The following PTBP3 variants were observed in gnomAD, a reference collection of about 807,000 sequenced individuals.
PTBP3 encodes the protein polypyrimidine tract-binding protein 3.
In PTBP3, 20 loss-of-function variants were observed where a neutral mutation model predicts 58.7. The observed-to-expected ratio is 0.34, with a 90% CI of 0.24 to 0.50. PTBP3 has a LOEUF of 0.50. Ranked by LOEUF, PTBP3 falls within the 20% of genes least tolerant of loss-of-function variation. PTBP3 has a pLI of 0.98. For synonymous variants in PTBP3, 185 were observed against 219.8 expected (o/e 0.84, Z 1.40); for missense variants, 509 against 637.2 (o/e 0.80, Z 2.17).
At chr9:112,372,507 C>T in the PTBP3 span, among the ~76,000 whole-genome samples, 1 of 152,126 alleles carries the variant, frequency 6.6e-6, no homozygotes, top group Non-Finnish European at 1.5e-5. Context: ...TATCTAGTCC[C>T]ATAACATTTT....
At chr9:112,352,310 T>TA in the PTBP3 span, among the ~76,000 whole-genome samples, 1 of 151,798 alleles carries the variant, frequency 6.6e-6, no homozygotes. Flanking sequence ...TACAGTTTTT[T>TA]AAATTTTTTT....
intron 1 of PTBP3, among the ~76,000 whole-genome samples, chr9:112,331,851 C>G (rs74569258): frequency 0.011 from 1,656 of 152,296 alleles, 31 homozygotes; most frequent in African/African-American, 0.038. Context: ...TACAGTTTAA[C>G]AGCAAAGACG....
intron 7 of PTBP3, among the ~76,000 whole-genome samples, chr9:112,245,451 A>G (rs1835839367): frequency 6.6e-6 from 1 of 152,190 alleles, no homozygotes; most frequent in South Asian, 2.1e-4. Flanking sequence ...AGTTACCAAT[A>G]TGTAAAGGGT....
At chr9:112,360,734 G>A in the PTBP3 span, among the ~76,000 whole-genome samples, 4 of 151,988 alleles carry the variant, frequency 2.6e-5, no homozygotes, top group East Asian at 3.9e-4. Flanking sequence ...AGTAGGTTAC[G>A]ATCCATTAAT....
intron 7 of PTBP3, among the ~76,000 whole-genome samples, chr9:112,237,984 C>T (rs939780294): frequency 3.3e-5 from 5 of 152,090 alleles, no homozygotes; most frequent in African/African-American, 9.7e-5. Context: ...TGATCCTGAA[C>T]GTAGAGCCTT....
intron 1 of PTBP3, chr9:112,330,461 G>T: frequency 1.3e-6 from 2 of 1,528,196 alleles, no homozygotes; most frequent in Non-Finnish European, 1.8e-6. Context: ...ACTGTTATAA[G>T]ATCTGTAACA....
At chr9:112,378,626 C>G in the PTBP3 span, among the ~76,000 whole-genome samples, 1 of 152,194 alleles carries the variant, frequency 6.6e-6, no homozygotes, top group African/African-American at 2.4e-5. Context: ...TTTCATCTAA[C>G]AGTCTCTATC....
chr9:112,366,363 G>T, the PTBP3 span, among the ~76,000 whole-genome samples: 2 of 152,126 alleles, frequency 1.3e-5, no homozygotes, highest in Non-Finnish European at 2.9e-5. Flanking sequence ...GGGCATGTCA[G>T]AGGTCTTCAT....
At chr9:112,296,572 G>T (rs763974718) in intron 2 of PTBP3, among the ~76,000 whole-genome samples, 1 of 152,028 alleles carries the variant, frequency 6.6e-6, no homozygotes, top group Non-Finnish European at 1.5e-5. Flanking sequence ...TCTGGATAAA[G>T]AAACCCTCCC....
intron 1 of PTBP3, among the ~76,000 whole-genome samples, chr9:112,299,029 T>C (rs1301744886): frequency 6.6e-6 from 1 of 152,198 alleles, no homozygotes; most frequent in Non-Finnish European, 1.5e-5. Flanking sequence ...AAATCTGAGA[T>C]GTAGATATTA....
intron 8 of PTBP3, 79 bp from the exon 9 acceptor site, chr9:112,232,317 G>A (rs1489408519): frequency 7.4e-7 from 1 of 1,342,954 alleles, no homozygotes; most frequent in African/African-American, 1.5e-5. Flanking sequence ...AGTAAATAAA[G>A]AGGAAAGGAA....
chr9:112,333,046 C>G (rs1183994871), intron 1 of PTBP3: 4 of 1,268,252 alleles, frequency 3.2e-6, no homozygotes, highest in South Asian at 5.9e-5. Flanking sequence ...CAGCAACTCC[C>G]CCGGCAGGAG....
chr9:112,281,494 ATT>A lies in PTBP3; in HGVS notation c.35-5483_35-5482del, dbSNP rs144340280. Among the ~76,000 whole-genome samples, 1,159 of 152,250 alleles carry A rather than the reference ATT, an allele frequency of 7.6e-3. 21 individuals carry two copies. The highest frequency in any genetic ancestry group is 0.027 in the African/African-American group (1,104 of 41,554). ...ATTTTAATTTAATATCTTGCTAAAC[ATT>A]TTTATGTCAATATTCATGAAGGATA... On this transcript the variant is annotated intron_variant, in intron 2 of 13. Coordinates refer to ENST00000374257, the MANE Select transcript of PTBP3 (RefSeq NM_001163788.4).
chr9:112,288,315 A>G (rs1018631944), intron 2 of PTBP3, among the ~76,000 whole-genome samples: 3 of 152,044 alleles, frequency 2.0e-5, no homozygotes, highest in Admixed American at 1.3e-4. Context: ...TCTTTGCCTG[A>G]CCTCACAGGC....
intron 1 of PTBP3, among the ~76,000 whole-genome samples, chr9:112,327,455 G>C (rs575850630): frequency 1.3e-5 from 2 of 152,104 alleles, no homozygotes; most frequent in East Asian, 3.9e-4. Flanking sequence ...AGCTACTCAG[G>C]ACGCTGAGGC....
chr9:112,224,277 C>T (rs1323396412), intron 12 of PTBP3, 67 bp from the exon 13 acceptor site: 2 of 963,500 alleles, frequency 2.1e-6, no homozygotes, highest in South Asian at 1.8e-5. Flanking sequence ...TTAACTCTTG[C>T]AATCATCAAA....
chr9:112,377,229 G>A, the PTBP3 span, among the ~76,000 whole-genome samples: 1 of 152,328 alleles, frequency 6.6e-6, no homozygotes, highest in East Asian at 1.9e-4. Flanking sequence ...TTAGCCAGGT[G>A]TGGTGGCACA....
At chr9:112,302,188 T>G (rs1318300687) in intron 1 of PTBP3, among the ~76,000 whole-genome samples, 1 of 152,126 alleles carries the variant, frequency 6.6e-6, no homozygotes, top group African/African-American at 2.4e-5. Context: ...AATAGCTTTT[T>G]GTAAAATGAA....
chr9:112,250,907 G>A, intron 7 of PTBP3, 22 bp downstream of exon 7: 3 of 1,475,960 alleles, frequency 2.0e-6, no homozygotes, highest in Non-Finnish European at 2.7e-6. Flanking sequence ...CTTGCTTTGT[G>A]ACCCAAAAAA....
Sources: allele counts gnomAD v4.1 joint callset (sites outside exome capture counted in the v4.1 genomes callset), GRCh38; gene constraint gnomAD v4.1.1; transcripts MANE v1.5; gene names NCBI Gene and HGNC (gene_info 2026-07-23, HGNC 2026-07-21).